The following ZCCHC14 variants were observed in gnomAD, a reference collection of about 807,000 sequenced individuals.
ZCCHC14 encodes zinc finger CCHC domain-containing protein 14.
A neutral mutation model predicts 85.0 loss-of-function variants in ZCCHC14; 16 were observed. That is an observed-to-expected ratio of 0.19 (90% CI 0.13 to 0.29). The LOEUF (loss-of-function observed/expected upper bound fraction) is 0.29, where lower values mean the gene tolerates loss of function less well. Ranked by LOEUF, ZCCHC14 falls within the 10% of genes least tolerant of loss-of-function variation. The pLI is 1.00. For synonymous variants in ZCCHC14, 775 were observed against 630.7 expected, an observed-to-expected ratio of 1.23 and a Z score of -3.43; for missense variants, 1,303 against 1,443.5, an observed-to-expected ratio of 0.90 and a Z score of 1.58.
intron 2 of ZCCHC14, 45 bp downstream of exon 2, chr16:87,459,963 C>T (rs751869670): frequency 1.9e-6 from 3 of 1,612,966 alleles, no homozygotes; most frequent in Non-Finnish European, 2.5e-6. Context: ...GTGTGCCCAT[C>T]CTCCGTCCGT....
Position 87,411,697 on chromosome 16 carries a change from G to C in ZCCHC14, c.3024C>G (p.Ala1008=). ...DPVLSGQSTF[A]VPPMQNFMAG... is the part of the protein sequence containing the mutation. ...CCATGAAGTTCTGCATGGGTGGCAC[G>C]GCAAACGTGGACTGCCCACTCAGGA... is the stretch of plus-strand genomic sequence containing the variant. The change falls in exon 12 of 13, where the codon GCC becomes GCG. Residue 1008 remains alanine, a synonymous_variant. Transcript: ENST00000671377. 6.2e-7 allele frequency: 1 copy of C among 1,614,070 alleles called. No individual in the cohort carries two copies. Among genetic ancestry groups the C allele is most frequent in the Non-Finnish European group, 8.5e-7 (1 of 1,179,988 alleles).
chr16:87,445,905 G>A (rs922639780), intron 2 of ZCCHC14, among the ~76,000 whole-genome samples: 1 of 152,086 alleles, frequency 6.6e-6, no homozygotes, highest in African/African-American at 2.4e-5. Flanking sequence ...CATGCTGTTT[G>A]GAAATCAACC....
At position 87,411,841 on chromosome 16, in the gene ZCCHC14, G is replaced by C. The variant is rs75574551; in HGVS notation, c.2880C>G (p.Pro960=). 617 of 1,610,786 alleles carry C rather than the reference G, an allele frequency of 3.8e-4. 4 individuals carry two copies. In the African/African-American group the frequency reaches 7.4e-3, roughly 19 times the overall value. The change falls in exon 12 of 13, where the codon CCC becomes CCG. Residue 960 remains proline (P), a synonymous_variant. Transcript: ENST00000671377. ...PFSGPSVFTF[P]FLPFSPMCSS... is the part of the protein sequence containing the mutation. ...TGCACATGGGACTGAAGGGCAAGAA[G>C]GGGAAGGTGAACACGGACGGACCGG...
chr16:87,429,346 CTTTTT>C (rs985803811), intron 3 of ZCCHC14, among the ~76,000 whole-genome samples: 2 of 151,768 alleles, frequency 1.3e-5, no homozygotes, highest in African/African-American at 4.8e-5. Flanking sequence ...GGCAAATCAT[CTTTTT>C]TTTTCTTTGT....
At position 87,407,741 on chromosome 16, in the gene ZCCHC14, G is replaced by T. The variant is rs1281037142; in HGVS notation, c.*2539C>A. 2 of 152,282 alleles carry T rather than the reference G, an allele frequency of 1.3e-5. No homozygotes were observed. The highest frequency in any genetic ancestry group is 4.8e-5 in the African/African-American group (2 of 41,454). 9.4% of individuals were successfully genotyped at this position (152,282 alleles called of 1,614,324 possible). A position where few individuals can be genotyped will look rare whatever the true frequency, so the allele number is the denominator to read the frequency against. ...GGAAAATGACTAAGTACTTGAAAGGGTCAGTATGTTCTGTGTTTTCAGATG... is the reference window on the plus strand; with the variant it reads ...GGAAAATGACTAAGTACTTGAAAGGTTCAGTATGTTCTGTGTTTTCAGATG... On this transcript the variant is annotated 3_prime_UTR_variant, in exon 13 of 13. Transcript: ENST00000671377.
chr16:87,419,594 C>A (rs1455262064), intron 6 of ZCCHC14, among the ~76,000 whole-genome samples, 189 bp downstream of exon 6: 2 of 152,220 alleles, frequency 1.3e-5, no homozygotes, highest in African/African-American at 4.8e-5. Context: ...AGCCACTGCG[C>A]CCAGCCTAAT....
At chr16:87,431,859 G>C (rs771229001) in intron 3 of ZCCHC14, among the ~76,000 whole-genome samples, 4 of 152,142 alleles carry the variant, frequency 2.6e-5, no homozygotes, top group Non-Finnish European at 5.9e-5. Flanking sequence ...CCTGGGCTCC[G>C]CCTGGGCTGC....
At chr16:87,414,997 G>A (rs1427177622) in intron 9 of ZCCHC14, among the ~76,000 whole-genome samples, 1 of 152,206 alleles carries the variant, frequency 6.6e-6, no homozygotes, top group Non-Finnish European at 1.5e-5. Context: ...CAGGAGAATC[G>A]CTTGAACCTG....
intron 2 of ZCCHC14, among the ~76,000 whole-genome samples, chr16:87,439,590 C>T (rs781271665): frequency 2.0e-5 from 3 of 152,226 alleles, no homozygotes; most frequent in Non-Finnish European, 4.4e-5. Context: ...ATAGACACCT[C>T]ACTCTGATTT....
intron 1 of ZCCHC14, chr16:87,472,234 G>C (rs1330700638): frequency 6.6e-6 from 1 of 152,214 alleles, no homozygotes; most frequent in Non-Finnish European, 1.5e-5. Flanking sequence ...CACTAGTCGT[G>C]CGACACAAGT....
chr16:87,435,448 C>T (rs768519951), intron 2 of ZCCHC14, among the ~76,000 whole-genome samples: 14 of 152,246 alleles, frequency 9.2e-5, no homozygotes, highest in Non-Finnish European at 1.2e-4. Flanking sequence ...ATCTGCATGT[C>T]CTCTGTGGCC....
At chr16:87,436,794 TTTTG>T (rs1011946504) in intron 2 of ZCCHC14, among the ~76,000 whole-genome samples, 25 of 152,338 alleles carry the variant, frequency 1.6e-4, no homozygotes, top group African/African-American at 5.8e-4. Flanking sequence ...ATGATGACAG[TTTTG>T]TTTAAAATGG....
At chr16:87,422,637 A>G (rs1010478348) in intron 4 of ZCCHC14, among the ~76,000 whole-genome samples, 3 of 151,782 alleles carry the variant, frequency 2.0e-5, no homozygotes, top group Non-Finnish European at 4.4e-5. Flanking sequence ...TTGGGAGACT[A>G]AGGCAGGAGA....
chr16:87,413,673 G>A (rs1206354826), intron 10 of ZCCHC14, among the ~76,000 whole-genome samples: 3 of 152,030 alleles, frequency 2.0e-5, no homozygotes, highest in Non-Finnish European at 2.9e-5. Context: ...CAGGTGTCCC[G>A]CCCTTTCTGA....
At position 87,491,390 on chromosome 16, in the gene ZCCHC14, G is replaced by A. The variant is rs574163725; in HGVS notation, c.570+279C>T. On this transcript the variant is annotated intron_variant, in intron 1 of 12. Transcript: ENST00000671377. This position sits in a 1 kb window ranked among gnomAD's most constrained non-coding sequence, Gnocchi z 5.9. ...GAGTGCGGGCTTAGGATGGGGGCTT[G>A]GGATGTACGGCGGAGGCTTGGGATG... 9.7e-5 allele frequency among the ~76,000 whole-genome samples: 14 copies of A among 144,902 alleles called. No homozygotes were observed. The South Asian group carries it at 2.9e-3, about 30-fold the overall frequency.
At chr16:87,490,674 T>C (rs988209075) in intron 1 of ZCCHC14, among the ~76,000 whole-genome samples, 3 of 152,210 alleles carry the variant, frequency 2.0e-5, no homozygotes, top group African/African-American at 7.2e-5. Context: ...GCCTGGGTTT[T>C]GTTTCTAAGG....
At chr16:87,490,586 C>T (rs1425357166) in intron 1 of ZCCHC14, among the ~76,000 whole-genome samples, 1 of 152,230 alleles carries the variant, frequency 6.6e-6, no homozygotes, top group Non-Finnish European at 1.5e-5. Flanking sequence ...GACGCCCTTC[C>T]GGTTCAATTT....
chr16:87,481,425 C>A (rs1167874659), intron 1 of ZCCHC14, among the ~76,000 whole-genome samples: 4 of 151,392 alleles, frequency 2.6e-5, no homozygotes, highest in Admixed American at 1.3e-4. Context: ...CTATTCTAAT[C>A]TCCATCCTGC....
intron 3 of ZCCHC14, among the ~76,000 whole-genome samples, chr16:87,425,045 G>A (rs1036255379): frequency 3.3e-5 from 5 of 152,068 alleles, no homozygotes; most frequent in East Asian, 1.9e-4. Context: ...TCTAGTCCCC[G>A]AGGTGTCCAC....
Sources: allele counts gnomAD v4.1 joint callset (sites outside exome capture counted in the v4.1 genomes callset), GRCh38; gene constraint gnomAD v4.1.1; non-coding constraint Gnocchi (gnomAD v3.1); transcripts MANE v1.5; gene names NCBI Gene and HGNC (gene_info 2026-07-23, HGNC 2026-07-21).